CSMD1: variants seen among roughly 807,000 people sequenced by gnomAD.
CSMD1 encodes the protein CUB and sushi domain-containing protein 1.
In CSMD1, 213 loss-of-function variants were observed where a neutral mutation model predicts 417.5. The ratio of observed to expected loss-of-function variants is 0.51; its 90% CI spans 0.46 to 0.57. The LOEUF is 0.57. Ranked by LOEUF, CSMD1 falls within the 20% of genes least tolerant of loss-of-function variation. CSMD1 has a pLI of 0.00. For synonymous variants in CSMD1, 2,862 were observed against 1,736.8 expected, an observed-to-expected ratio of 1.65 and a Z score of -16.11; for missense variants, 6,923 against 4,529.7, an observed-to-expected ratio of 1.53 and a Z score of -15.17.
intron 10 of CSMD1, among the ~76,000 whole-genome samples, chr8:3,497,976 G>C (rs537025494): frequency 6.6e-6 from 1 of 152,162 alleles, no homozygotes; most frequent in Non-Finnish European, 1.5e-5. Context: ...TTTCTTGTAG[G>C]ACCATTCCAG....
At chr8:3,500,616 A>T (rs1287564593) in intron 10 of CSMD1, among the ~76,000 whole-genome samples, 1 of 152,206 alleles carries the variant, frequency 6.6e-6, no homozygotes, top group Admixed American at 6.5e-5. Flanking sequence ...CACCAAGAAT[A>T]TGGTGTTTTG....
intron 4 of CSMD1, among the ~76,000 whole-genome samples, chr8:4,002,204 AGTGT>A (rs961932138): frequency 8.6e-5 from 13 of 150,694 alleles, no homozygotes; most frequent in Non-Finnish European, 1.6e-4. Flanking sequence ...GGTGCCTGTG[AGTGT>A]GTGTGTGTGA....
At chr8:4,604,801 T>A (rs1800781797) in intron 2 of CSMD1, among the ~76,000 whole-genome samples, 1 of 152,190 alleles carries the variant, frequency 6.6e-6, no homozygotes, top group Non-Finnish European at 1.5e-5. Context: ...TCCTCAATAT[T>A]TAGTTGTACC....
intron 1 of CSMD1, among the ~76,000 whole-genome samples, chr8:4,877,535 C>T (rs1803127294): frequency 6.6e-6 from 1 of 152,070 alleles, no homozygotes; most frequent in African/African-American, 2.4e-5. Context: ...AGTTCTTCTT[C>T]ATATCAATGC....
intron 36 of CSMD1, among the ~76,000 whole-genome samples, chr8:3,181,829 G>A (rs750902351): frequency 1.3e-5 from 2 of 152,172 alleles, no homozygotes; most frequent in East Asian, 1.9e-4. Flanking sequence ...CGATTGGAAA[G>A]GGCAATACAG....
At chr8:4,020,249 T>A (rs766442511) in intron 4 of CSMD1, among the ~76,000 whole-genome samples, 11 of 152,198 alleles carry the variant, frequency 7.2e-5, no homozygotes, top group Admixed American at 1.3e-4. Flanking sequence ...ACACACAGTG[T>A]CCAATTGACA....
At chr8:3,451,615 C>G (rs548392886) in intron 12 of CSMD1, among the ~76,000 whole-genome samples, 2 of 152,282 alleles carry the variant, frequency 1.3e-5, no homozygotes, top group Admixed American at 1.3e-4. Flanking sequence ...TGTCAAAGAG[C>G]AGATACTTGT....
At chr8:4,760,579 G>C (rs984630644) in intron 1 of CSMD1, among the ~76,000 whole-genome samples, 8 of 151,970 alleles carry the variant, frequency 5.3e-5, no homozygotes, top group Non-Finnish European at 8.8e-5. Context: ...TTTATTTCTA[G>C]AATAATTATA....
chr8:4,360,017 G>C (rs1433509235), intron 3 of CSMD1, among the ~76,000 whole-genome samples: 1 of 152,166 alleles, frequency 6.6e-6, no homozygotes, highest in African/African-American at 2.4e-5. Flanking sequence ...TGGAGTTCCA[G>C]CTCTCTTCCC....
chr8:3,496,012 G>C (rs1014752823), intron 10 of CSMD1, among the ~76,000 whole-genome samples: 1 of 152,096 alleles, frequency 6.6e-6, no homozygotes, highest in Non-Finnish European at 1.5e-5. Context: ...CATCACCTAG[G>C]TATTAAGCCC....
At chr8:3,469,485 T>C (rs899881580) in intron 11 of CSMD1, among the ~76,000 whole-genome samples, 3 of 152,178 alleles carry the variant, frequency 2.0e-5, no homozygotes, top group Non-Finnish European at 4.4e-5. Context: ...GAAGCATTCA[T>C]TGTGCATTAA....
chr8:3,822,143 G>A (rs7006150), intron 5 of CSMD1, among the ~76,000 whole-genome samples: 119,650 of 152,040 alleles, frequency 0.79, 47,374 homozygotes, highest in African/African-American at 0.88. Flanking sequence ...AGCAAAGACG[G>A]AACTTCTCCT....
chr8:4,175,842 G>C (rs780815698), intron 3 of CSMD1, among the ~76,000 whole-genome samples: 3 of 152,128 alleles, frequency 2.0e-5, no homozygotes, highest in East Asian at 1.9e-4. Context: ...AAAGTAACTG[G>C]AAAGAAATAA....
At chr8:4,840,774 T>G (rs1043229505) in intron 1 of CSMD1, among the ~76,000 whole-genome samples, 1 of 152,212 alleles carries the variant, frequency 6.6e-6, no homozygotes, top group African/African-American at 2.4e-5. Context: ...ACTATTAAAA[T>G]GTCCATGTCG....
chr8:3,730,440 G>C (rs1802778970), intron 6 of CSMD1, among the ~76,000 whole-genome samples: 1 of 146,228 alleles, frequency 6.8e-6, no homozygotes, highest in Admixed American at 7.1e-5. Flanking sequence ...TAGGTTAGCA[G>C]AGCAAAGACT....
chr8:4,448,477 C>A (rs559474223), intron 2 of CSMD1, among the ~76,000 whole-genome samples: 313 of 152,264 alleles, frequency 2.1e-3, no homozygotes, highest in African/African-American at 7.3e-3. Context: ...CTTTCCCAGA[C>A]AACAGCAGAA....
intron 1 of CSMD1, among the ~76,000 whole-genome samples, chr8:4,905,072 C>T (rs898910868): frequency 6.6e-6 from 1 of 152,072 alleles, no homozygotes; most frequent in Admixed American, 6.5e-5. Context: ...CATTTCTCTG[C>T]CAGCATAGGA....
At chr8:3,667,602 TG>T (rs1176240272) in intron 7 of CSMD1, among the ~76,000 whole-genome samples, 1 of 152,104 alleles carries the variant, frequency 6.6e-6, no homozygotes, top group Non-Finnish European at 1.5e-5. Flanking sequence ...GATGATTTTG[TG>T]AGTGACAGAG....
At chr8:3,823,467 G>T (rs191422844) in intron 5 of CSMD1, among the ~76,000 whole-genome samples, 3 of 152,232 alleles carry the variant, frequency 2.0e-5, no homozygotes, top group African/African-American at 7.2e-5. Flanking sequence ...CAATTTTTAT[G>T]CAACGAATGT....
Sources: gnomAD v4.1 joint callset for allele counts (sites outside exome capture counted in the v4.1 genomes callset) on GRCh38, gnomAD v4.1.1 for gene constraint, MANE v1.5 for transcripts, NCBI Gene and HGNC (gene_info 2026-07-23, HGNC 2026-07-21) for gene names.